THRB: variants seen among roughly 807,000 people sequenced by gnomAD.
THRB encodes thyroid hormone receptor beta.
In THRB, 12 loss-of-function variants were observed where a neutral mutation model predicts 47.8. The observed-to-expected ratio is 0.25, with a 90% CI of 0.16 to 0.41. The LOEUF is 0.41. Among genes scored for constraint, THRB ranks in the 10% least tolerant of loss-of-function variants. The probability of loss-of-function intolerance (pLI) is 1.00; values close to 1 mark genes in which losing one functional copy is unlikely to be tolerated. For missense variants in THRB, 348 were observed against 589.2 expected, an observed-to-expected ratio of 0.59 and a Z score of 4.24; for synonymous variants, 218 against 212.2, an observed-to-expected ratio of 1.03 and a Z score of -0.24.
Position 24,342,953 on chromosome 3 carries a change from A to G in THRB, c.-260-5582T>C, listed in dbSNP as rs551777383. Reference sequence around the variant, plus strand: ...AAACAGAGGTAGAGAATGGGTGATGAGGCTGCAAAGGCAGAAACAGTGCTA... The same window carrying G: ...AAACAGAGGTAGAGAATGGGTGATGGGGCTGCAAAGGCAGAAACAGTGCTA... On this transcript the variant is annotated intron_variant, in intron 1 of 10. Transcript: ENST00000646209. Among the ~76,000 whole-genome samples, 4 of 152,274 alleles carry G rather than the reference A, an allele frequency of 2.6e-5. No individual in the cohort carries two copies. In the South Asian group the frequency reaches 8.3e-4, roughly 32 times the overall value.
chr3:24,493,991 G>C (rs1181170950), intron 1 of THRB: 2 of 152,336 alleles, frequency 1.3e-5, no homozygotes, highest in Non-Finnish European at 2.9e-5. Context: ...AGGAGACCCA[G>C]AGGAAGATGC....
At chr3:24,281,578 A>T (rs2054613847) in intron 3 of THRB, among the ~76,000 whole-genome samples, 2 of 143,518 alleles carry the variant, frequency 1.4e-5, no homozygotes, top group Admixed American at 7.0e-5. Flanking sequence ...AAATTCACAC[A>T]TAACAATATT....
intron 4 of THRB, among the ~76,000 whole-genome samples, chr3:24,193,152 T>A (rs943852835): frequency 2.0e-5 from 3 of 152,234 alleles, no homozygotes; most frequent in African/African-American, 7.2e-5. Flanking sequence ...TTGGCAATAA[T>A]GGTCTTCAGT....
chr3:24,299,569 T>A (rs2056752711), intron 2 of THRB, among the ~76,000 whole-genome samples: 1 of 151,956 alleles, frequency 6.6e-6, no homozygotes, highest in African/African-American at 2.4e-5. Context: ...CTGATCTCTG[T>A]TTTTCACAGA....
chr3:24,191,253 T>C (rs199785254), intron 4 of THRB, among the ~76,000 whole-genome samples: 4 of 50,588 alleles, frequency 7.9e-5, no homozygotes, highest in African/African-American at 3.1e-4. Flanking sequence ...AGCAAGCTAA[T>C]ATATATATAT....
At chr3:24,410,628 T>G (rs1328771349) in intron 1 of THRB, among the ~76,000 whole-genome samples, 2 of 151,844 alleles carry the variant, frequency 1.3e-5, no homozygotes, top group African/African-American at 2.4e-5. Flanking sequence ...AGCCATTATA[T>G]TTACATAATG....
rs923947514 is a variant in THRB, at chr3:24,122,634, C to A, written c.*250G>T. On this transcript the variant is annotated 3_prime_UTR_variant, in exon 11 of 11. Coordinates refer to ENST00000646209, the MANE Select transcript of THRB (RefSeq NM_001354712.2). ...TTGGTGCTGGTGAGTTAATGATTGT[C>A]CCCCACCCCACCTCCACAACCATAA... 6 of 533,858 alleles carry A rather than the reference C, an allele frequency of 1.1e-5. No homozygotes were observed. Among genetic ancestry groups the A allele is most frequent in the Admixed American group, 9.4e-5 (3 of 32,060 alleles). 33.1% of individuals were successfully genotyped at this position (533,858 alleles called of 1,614,324 possible).
intron 1 of THRB, among the ~76,000 whole-genome samples, chr3:24,381,677 A>G (rs2065725464): frequency 6.6e-6 from 1 of 152,174 alleles, no homozygotes; most frequent in Non-Finnish European, 1.5e-5. Flanking sequence ...ATAAAATGTT[A>G]AATAAAATTG....
At chr3:24,326,779 TTTTG>T (rs2061624040) in intron 2 of THRB, among the ~76,000 whole-genome samples, 1 of 141,718 alleles carries the variant, frequency 7.1e-6, no homozygotes, top group African/African-American at 2.7e-5. Flanking sequence ...TTTTTTTTTT[TTTTG>T]AGATGGAGTT....
At chr3:24,372,888 A>G (rs747883965) in intron 1 of THRB, among the ~76,000 whole-genome samples, 1 of 152,156 alleles carries the variant, frequency 6.6e-6, no homozygotes, top group Non-Finnish European at 1.5e-5. Flanking sequence ...ACCTATGAGA[A>G]GCAATATAGA....
intron 3 of THRB, among the ~76,000 whole-genome samples, chr3:24,290,892 T>C (rs2055855030): frequency 6.6e-6 from 1 of 152,216 alleles, no homozygotes; most frequent in Non-Finnish European, 1.5e-5. Context: ...AACTTGACTA[T>C]AGGGAGGTGG....
intron 2 of THRB, among the ~76,000 whole-genome samples, chr3:24,311,257 C>T (rs540301862): frequency 1.5e-3 from 231 of 152,182 alleles, no homozygotes; most frequent in Admixed American, 3.8e-3. Flanking sequence ...CCAAGCAGGA[C>T]AGAAAAATGG....
intron 2 of THRB, among the ~76,000 whole-genome samples, chr3:24,305,167 C>T (rs1505284): frequency 0.56 from 84,217 of 151,546 alleles, 23,740 homozygotes; most frequent in Admixed American, 0.63. Flanking sequence ...GTGGTTCTCA[C>T]AGTATGTTTC....
intron 1 of THRB, among the ~76,000 whole-genome samples, chr3:24,451,954 G>T (rs1158664933): frequency 6.6e-6 from 1 of 152,132 alleles, no homozygotes; most frequent in Non-Finnish European, 1.5e-5. Flanking sequence ...GGGCTGGTAG[G>T]GGCCTAAGCC....
intron 3 of THRB, among the ~76,000 whole-genome samples, chr3:24,290,575 A>G (rs1213787335): frequency 2.6e-5 from 4 of 152,220 alleles, no homozygotes; most frequent in Non-Finnish European, 4.4e-5. Flanking sequence ...ATTCTCTGAC[A>G]ACTCAATTCA....
chr3:24,263,372 A>G (rs2052287858), intron 3 of THRB, among the ~76,000 whole-genome samples: 1 of 151,592 alleles, frequency 6.6e-6, no homozygotes, highest in Non-Finnish European at 1.5e-5. Flanking sequence ...AGTTGCACAG[A>G]GAGGTAAAGT....
rs1304489801 is a variant in THRB at position 24,117,443 on chromosome 3, A to G, written c.*5441T>C. On this transcript the variant is annotated 3_prime_UTR_variant, in exon 11 of 11. Coordinates refer to ENST00000646209, the MANE Select transcript of THRB (RefSeq NM_001354712.2). ...ACCCAGTTCCAGGATTCCTGAGGAT[A>G]AGGTTGGTTATGCATCTGTTTTCCT... 6.6e-6 allele frequency: 1 copy of G among 152,234 alleles called. No individual in the cohort carries two copies. The highest frequency in any genetic ancestry group is 6.5e-5 in the Admixed American group (1 of 15,280). The allele number at this position is 152,234 out of a possible 1,614,324, so 9.4% of individuals were successfully genotyped here.
chr3:24,182,833 T>C (rs2042078251), intron 5 of THRB, among the ~76,000 whole-genome samples: 1 of 152,194 alleles, frequency 6.6e-6, no homozygotes, highest in Non-Finnish European at 1.5e-5. Flanking sequence ...ACTGCTCCCA[T>C]CACAGCAAGT....
intron 3 of THRB, among the ~76,000 whole-genome samples, chr3:24,285,098 C>G (rs1187268260): frequency 6.6e-6 from 1 of 151,362 alleles, no homozygotes; most frequent in African/African-American, 2.4e-5. Flanking sequence ...ACCCAAAGGA[C>G]TATAAATCAT....
Sources: allele counts gnomAD v4.1 joint callset (sites outside exome capture counted in the v4.1 genomes callset), GRCh38; gene constraint gnomAD v4.1.1; transcripts MANE v1.5; gene names NCBI Gene and HGNC (gene_info 2026-07-23, HGNC 2026-07-21).